The following NRXN1 variants were observed in gnomAD, a reference collection of about 807,000 sequenced individuals.
NRXN1 encodes neurexin-1.
Under a neutral mutation model 150.9 loss-of-function variants are expected in NRXN1, and 39 were observed. The ratio of observed to expected loss-of-function variants is 0.26; its 90% confidence interval spans 0.20 to 0.34. NRXN1 has a LOEUF of 0.34. Ranked by LOEUF, NRXN1 falls within the 10% of genes least tolerant of loss-of-function variation. The pLI is 1.00. For synonymous variants in NRXN1, 924 were observed against 757.0 expected (o/e 1.22, Z -3.62); for missense variants, 1,815 against 1,949.9 (o/e 0.93, Z 1.30).
intron 22 of NRXN1, among the ~76,000 whole-genome samples, chr2:49,941,167 T>C (rs1671909831): frequency 6.6e-6 from 1 of 151,936 alleles, no homozygotes; most frequent in Non-Finnish European, 1.5e-5. Context: ...ATTCAAGCTA[T>C]ACATTAATGA....
At chr2:50,921,954 A>G (rs537370213) in intron 4 of NRXN1, 74 bp from the exon 5 acceptor site, 26 of 814,806 alleles carry the variant, frequency 3.2e-5, no homozygotes, top group Middle Eastern at 2.5e-4. Context: ...AAAAACAACA[A>G]TAAGTATTAT....
intron 18 of NRXN1, among the ~76,000 whole-genome samples, chr2:50,146,315 A>G (rs1416507636): frequency 1.3e-5 from 2 of 151,720 alleles, no homozygotes; most frequent in East Asian, 3.9e-4. Context: ...TGACCCAGCA[A>G]TCCCATTACT....
At chr2:50,436,091 G>T (rs1274937951) in intron 17 of NRXN1, among the ~76,000 whole-genome samples, 2 of 152,076 alleles carry the variant, frequency 1.3e-5, no homozygotes, top group Non-Finnish European at 2.9e-5. Flanking sequence ...TTTTGAAAAA[G>T]AAGTCTAGAT....
chr2:50,912,638 A>C (rs1424377340), intron 5 of NRXN1, among the ~76,000 whole-genome samples: 1 of 151,636 alleles, frequency 6.6e-6, no homozygotes. Context: ...AATGATCTCA[A>C]GGTTTGCACT....
intron 2 of NRXN1, among the ~76,000 whole-genome samples, chr2:50,983,268 C>T (rs1025351974): frequency 6.6e-6 from 1 of 152,022 alleles, no homozygotes; most frequent in East Asian, 1.9e-4. Flanking sequence ...ATACTCTTTG[C>T]ATTTAGGGGT....
chr2:50,741,592 C>A (rs1364116354), intron 5 of NRXN1, among the ~76,000 whole-genome samples: 1 of 151,852 alleles, frequency 6.6e-6, no homozygotes, highest in Admixed American at 6.6e-5. Flanking sequence ...TTTGTGGGTT[C>A]CTAAAATACT....
At chr2:50,596,241 G>C (rs1000768047) in intron 8 of NRXN1, among the ~76,000 whole-genome samples, 1 of 152,044 alleles carries the variant, frequency 6.6e-6, no homozygotes, top group Non-Finnish European at 1.5e-5. Context: ...GAGTTCTTTG[G>C]ATAAATATTT....
chr2:50,521,358 G>A (rs1457662623), intron 12 of NRXN1, among the ~76,000 whole-genome samples: 1 of 152,100 alleles, frequency 6.6e-6, no homozygotes, highest in Non-Finnish European at 1.5e-5. Flanking sequence ...GTTGGAGAGT[G>A]AAGAATTTCC....
intron 5 of NRXN1, among the ~76,000 whole-genome samples, chr2:50,749,874 A>G (rs772095132): frequency 6.6e-6 from 1 of 152,102 alleles, no homozygotes; most frequent in Non-Finnish European, 1.5e-5. Flanking sequence ...GGAAATGGAG[A>G]TATCTTAACT....
intron 8 of NRXN1, among the ~76,000 whole-genome samples, chr2:50,583,713 C>A (rs1009063584): frequency 5.9e-5 from 9 of 152,192 alleles, no homozygotes; most frequent in African/African-American, 2.2e-4. Context: ...TTCACAGAAT[C>A]TATCAATTCC....
At chr2:50,771,807 GGTAA>G (rs1221608298) in intron 5 of NRXN1, among the ~76,000 whole-genome samples, 2 of 152,026 alleles carry the variant, frequency 1.3e-5, no homozygotes, top group African/African-American at 4.8e-5. Context: ...TCATTCATTT[GGTAA>G]GTGTTTTTGG....
At chr2:50,367,809 A>G (rs768590110) in intron 17 of NRXN1, among the ~76,000 whole-genome samples, 1 of 152,024 alleles carries the variant, frequency 6.6e-6, no homozygotes, top group Non-Finnish European at 1.5e-5. Context: ...CTTACCACCT[A>G]TTTGGCAAAT....
At chr2:50,881,956 A>T (rs944054051) in intron 5 of NRXN1, among the ~76,000 whole-genome samples, 24 of 151,816 alleles carry the variant, frequency 1.6e-4, no homozygotes. Context: ...TAGCAATTGA[A>T]GGGGGAGGGA....
At chr2:50,586,479 C>T (rs1177884744) in intron 8 of NRXN1, among the ~76,000 whole-genome samples, 1 of 151,882 alleles carries the variant, frequency 6.6e-6, no homozygotes, top group Admixed American at 6.6e-5. Context: ...CTATTGTATA[C>T]CGACCTATAA....
intron 5 of NRXN1, among the ~76,000 whole-genome samples, chr2:50,671,595 T>C (rs77387730): frequency 1.3e-5 from 2 of 151,742 alleles, no homozygotes; most frequent in Non-Finnish European, 3.0e-5. Flanking sequence ...ATACTATTGA[T>C]AGGAAATGGT....
chr2:50,889,631 G>A (rs937566448), intron 5 of NRXN1, among the ~76,000 whole-genome samples: 15 of 151,496 alleles, frequency 9.9e-5, no homozygotes, highest in African/African-American at 3.4e-4. Context: ...TTAAGTCCAA[G>A]GTTATTTATG....
intron 21 of NRXN1, among the ~76,000 whole-genome samples, chr2:50,036,040 G>A (rs768730395): frequency 5.9e-5 from 9 of 152,094 alleles, no homozygotes; most frequent in Admixed American, 1.3e-4. Flanking sequence ...GACTGCCTTC[G>A]GAGGAAAATG....
rs913310823 is a variant in NRXN1 at position 50,238,552 on chromosome 2, T to C, written c.3365-1582A>G. ...TAGCTTGTACCAAGAGTAACATTTATGTGTAAAAGTTGTGTGTACAGCAGT... is the reference window on the plus strand; with the variant it reads ...TAGCTTGTACCAAGAGTAACATTTACGTGTAAAAGTTGTGTGTACAGCAGT... On this transcript the variant is annotated intron_variant, in intron 17 of 22. Transcript: ENST00000401669. 2.6e-5 allele frequency among the ~76,000 whole-genome samples: 4 copies of C among 152,080 alleles called. No individual in the cohort carries two copies. In the South Asian group the frequency reaches 8.3e-4, roughly 31 times the overall value.
chr2:50,605,636 AAAC>A (rs1259888131), intron 8 of NRXN1, among the ~76,000 whole-genome samples: 1 of 152,190 alleles, frequency 6.6e-6, no homozygotes, highest in Non-Finnish European at 1.5e-5. Flanking sequence ...AAAAAGAAAA[AAAC>A]AACAACTGTT....
Sources: gnomAD v4.1 joint callset for allele counts (sites outside exome capture counted in the v4.1 genomes callset) on GRCh38, gnomAD v4.1.1 for gene constraint, MANE v1.5 for transcripts, NCBI Gene and HGNC (gene_info 2026-07-23, HGNC 2026-07-21) for gene names.